ATXN7L1: variants seen among roughly 807,000 people sequenced by gnomAD.
ATXN7L1 encodes the protein ataxin-7-like protein 1.
A neutral mutation model predicts 70.8 loss-of-function variants in ATXN7L1; 15 were observed. That is an observed-to-expected ratio of 0.21 (90% CI 0.14 to 0.33). The LOEUF (loss-of-function observed/expected upper bound fraction) is 0.33. ATXN7L1 is among the 10% of genes least tolerant of loss of function. The pLI is 1.00. For synonymous variants in ATXN7L1, 440 were observed against 445.1 expected (o/e 0.99, Z 0.14); for missense variants, 975 against 1,097.1 (o/e 0.89, Z 1.57).
At chr7:105,703,463 T>C (rs1404677942) in intron 3 of ATXN7L1, among the ~76,000 whole-genome samples, 1 of 152,226 alleles carries the variant, frequency 6.6e-6, no homozygotes, top group Non-Finnish European at 1.5e-5. Context: ...ATTCCAAATG[T>C]GGCCAGTTTA....
chr7:105,828,428 C>T (rs1439635514), intron 2 of ATXN7L1, among the ~76,000 whole-genome samples: 1 of 152,128 alleles, frequency 6.6e-6, no homozygotes, highest in East Asian at 1.9e-4. Flanking sequence ...AGGCTCCAGG[C>T]ACACACAGCA....
intron 2 of ATXN7L1, among the ~76,000 whole-genome samples, chr7:105,840,480 C>T (rs1813044237): frequency 6.6e-6 from 1 of 152,138 alleles, no homozygotes; most frequent in African/African-American, 2.4e-5. Context: ...TGTCTGAGTC[C>T]AGGCTGCCAA....
rs114431561 is a variant in ATXN7L1, at chr7:105,737,242, C to T, written c.355+51362G>A. Among the ~76,000 whole-genome samples the T allele has an allele frequency of 1.9e-3, 293 of 152,324 alleles. 2 individuals carry two copies. Among genetic ancestry groups the T allele is most frequent in the African/African-American group, 6.8e-3 (282 of 41,568 alleles). ...TACAACGCTTTGATAAACTCTTTTG[C>T]GCCTTTCCCAAATGGTGATTAAATC... On this transcript the variant is annotated intron_variant, in intron 3 of 11. Coordinates refer to ENST00000419735, the MANE Select transcript of ATXN7L1 (RefSeq NM_020725.2).
At chr7:105,783,073 C>T (rs1269705077) in intron 3 of ATXN7L1, among the ~76,000 whole-genome samples, 1 of 152,180 alleles carries the variant, frequency 6.6e-6, no homozygotes, top group Non-Finnish European at 1.5e-5. Flanking sequence ...CTCTGCAAAG[C>T]AGGAATTGCC....
At chr7:105,665,629 A>G (rs1349894241) in intron 3 of ATXN7L1, among the ~76,000 whole-genome samples, 1 of 152,348 alleles carries the variant, frequency 6.6e-6, no homozygotes, top group East Asian at 1.9e-4. Flanking sequence ...ACAACCACAC[A>G]TAGCCAAAGC....
chr7:105,733,540 A>T (rs1796854491), intron 3 of ATXN7L1, among the ~76,000 whole-genome samples: 1 of 131,566 alleles, frequency 7.6e-6, no homozygotes, highest in African/African-American at 3.0e-5. Context: ...CCATCCATCC[A>T]CCCATCCATC....
In ATXN7L1 at chr7:105,789,007, T is replaced by A. The variant is rs530904766; in HGVS notation, c.251-299A>T. 5.9e-5 allele frequency among the ~76,000 whole-genome samples: 9 copies of A among 152,344 alleles called. No individual in the cohort carries two copies. In the South Asian group the frequency reaches 6.2e-4, roughly 11 times the overall value. On this transcript the variant is annotated intron_variant, in intron 2 of 11. Transcript: ENST00000419735. ...ACATGCTATGGGAATCACCCTGTCC[T>A]GAGAGAACCCACATGTTAGCTGGGA...
In ATXN7L1 at chr7:105,639,537, C is replaced by T. The variant is rs2115905381; in HGVS notation, c.895G>A (p.Val299Ile). The T allele has an allele frequency of 6.4e-7, 1 of 1,551,518 alleles. No individual in the cohort carries two copies. The highest frequency in any genetic ancestry group is 1.2e-5 in the South Asian group (1 of 84,048). ...GGTTTCTTTGTCTCGGGATCCAATACTCCACAGTGTTTATTTGGGTCAAAT... is the reference window on the plus strand; with the variant it reads ...GGTTTCTTTGTCTCGGGATCCAATATTCCACAGTGTTTATTTGGGTCAAAT... ...REFDPNKHCG[V>I]LDPETKKPCT... Residue 299 changes from valine (V) to isoleucine (I), a missense_variant, in exon 6 of 12, where the codon GTA (valine) becomes ATA (isoleucine). Physicochemically the swap from Val to Ile is conservative, Grantham distance 29. This residue lies in a region of ATXN7L1 where 192 missense variants were observed against 215.5 expected (regional missense o/e 0.89). Transcript: ENST00000419735.
chr7:105,609,745 G>T lies in ATXN7L1; in HGVS notation c.2547+784C>A, dbSNP rs570293602. Among the ~76,000 whole-genome samples the T allele has an allele frequency of 2.7e-4, 41 of 151,814 alleles. 1 individual carries two copies. Among genetic ancestry groups the T allele is most frequent in the South Asian group, 1.7e-3 (8 of 4,804 alleles). On this transcript the variant is annotated intron_variant, in intron 11 of 11. Transcript: ENST00000419735. ...CCAAAGTGCTGGGATTATAGGTGAG[G>T]CATCATGCCTGGCTGGCAAGTCCCT...
intron 7 of ATXN7L1, among the ~76,000 whole-genome samples, chr7:105,637,324 C>T (rs1434728721): frequency 6.6e-6 from 1 of 152,232 alleles, no homozygotes; most frequent in Non-Finnish European, 1.5e-5. Flanking sequence ...CAACTCCCTC[C>T]CCTTCTTTTA....
Position 105,639,493 on chromosome 7 carries a change from G to A in ATXN7L1, c.939C>T (p.Thr313=), listed in dbSNP as rs1305068652. The change falls in exon 6 of 12, where the codon ACC becomes ACT. Residue 313 remains threonine (T), a synonymous_variant. Transcript: ENST00000419735. ...ETKKPCTRSL[T]CKTHSLSHRR... ...TTTATGGAAAGAGAAATACCTTGCA[G>A]GTGAGGGATCTTGTGCAAGGTTTCT... The A allele has an allele frequency of 1.9e-6, 3 of 1,549,618 alleles. No individual in the cohort carries two copies. Among genetic ancestry groups the A allele is most frequent in the Non-Finnish European group, 2.6e-6 (3 of 1,145,240 alleles).
chr7:105,790,566 G>C (rs1162257262), intron 2 of ATXN7L1, among the ~76,000 whole-genome samples: 4 of 151,990 alleles, frequency 2.6e-5, no homozygotes, highest in Non-Finnish European at 4.4e-5. Context: ...GGGCAACAGA[G>C]TGAGACCCTG....
chr7:105,754,039 C>G (rs1799500931), intron 3 of ATXN7L1, among the ~76,000 whole-genome samples: 1 of 152,178 alleles, frequency 6.6e-6, no homozygotes. Context: ...TTACCCACTG[C>G]ATGGGAGTAT....
chr7:105,668,302 T>C (rs1232270561), intron 3 of ATXN7L1, among the ~76,000 whole-genome samples: 2 of 152,212 alleles, frequency 1.3e-5, no homozygotes, highest in East Asian at 1.9e-4. Flanking sequence ...GGCACGATCA[T>C]GGCTTACTGC....
chr7:105,841,297 G>T (rs1462992527), intron 2 of ATXN7L1, among the ~76,000 whole-genome samples: 3 of 152,160 alleles, frequency 2.0e-5, no homozygotes, highest in Non-Finnish European at 2.9e-5. Flanking sequence ...CCTCACCTTG[G>T]ACAAGTACTC....
At chr7:105,662,162 G>T (rs1430371418) in intron 4 of ATXN7L1, among the ~76,000 whole-genome samples, 3 of 148,436 alleles carry the variant, frequency 2.0e-5, no homozygotes, top group African/African-American at 7.5e-5. Context: ...GAGTGCAATG[G>T]AGCGATCTTG....
At chr7:105,769,405 T>C (rs945299897) in intron 3 of ATXN7L1, among the ~76,000 whole-genome samples, 1 of 152,112 alleles carries the variant, frequency 6.6e-6, no homozygotes, top group Non-Finnish European at 1.5e-5. Context: ...CTGTCTCTAC[T>C]CGTGTTCGTG....
intron 3 of ATXN7L1, among the ~76,000 whole-genome samples, chr7:105,679,894 T>C (rs1283902210): frequency 3.9e-5 from 6 of 151,974 alleles, no homozygotes; most frequent in Admixed American, 2.6e-4. Context: ...TTAAAATGGT[T>C]AATTTTCTGT....
chr7:105,624,191 G>A lies in ATXN7L1; in HGVS notation c.1279C>T (p.Pro427Ser), dbSNP rs1179734695. 6.5e-7 allele frequency: 1 copy of A among 1,529,570 alleles called. No homozygotes were observed. The highest frequency in any genetic ancestry group is 2.6e-5 in the East Asian group (1 of 39,204). 94.7% of individuals were successfully genotyped at this position (1,529,570 alleles called of 1,614,324 possible). A position where few individuals can be genotyped will look rare whatever the true frequency, so the allele number is the denominator to read the frequency against. ...CGGCTGGCGAGGTCACCTCCAACCG[G>A]TGGGAGTGGGGGCTCTGGAGTGTGG... Reference protein sequence around the residue: ...SGHTPEPPLPPVGGDLASRLS... With the variant: ...SGHTPEPPLPSVGGDLASRLS... The change falls in exon 8 of 12, where the codon CCG (proline) becomes TCG (serine). Residue 427 changes from proline (P) to serine (S), a missense_variant. Pro to Ser is a moderately conservative substitution (Grantham distance 74). Around this residue, in one of 5 missense-constraint regions of ATXN7L1, gnomAD observed 635 missense variants for 699.4 expected, o/e 0.91. Transcript: ENST00000419735.
Sources: allele counts gnomAD v4.1 joint callset (sites outside exome capture counted in the v4.1 genomes callset), GRCh38; gene constraint gnomAD v4.1.1; regional missense constraint gnomAD v4.1.1; transcripts MANE v1.5; gene names NCBI Gene and HGNC (gene_info 2026-07-23, HGNC 2026-07-21).